Variants in KCND2 observed in about 807,000 individuals in gnomAD.
KCND2 encodes the protein potassium voltage-gated channel subfamily D member 2, also known as A-type voltage-gated potassium channel KCND2.
In KCND2, 16 loss-of-function variants were observed where a neutral mutation model predicts 54.4. That is an observed-to-expected ratio of 0.29 (90% CI 0.20 to 0.45). KCND2 has a LOEUF of 0.45. KCND2 is among the 20% of genes least tolerant of loss of function. KCND2 has a pLI of 1.00. For synonymous variants in KCND2, 317 were observed against 310.7 expected (o/e 1.02, Z -0.21); for missense variants, 486 against 824.2 (o/e 0.59, Z 5.02).
chr7:120,374,849 C>T (rs1800815495), intron 1 of KCND2, among the ~76,000 whole-genome samples: 1 of 151,806 alleles, frequency 6.6e-6, no homozygotes, highest in East Asian at 1.9e-4. Context: ...TTTTAGTAAT[C>T]TTTTAAGGTG....
intron 1 of KCND2, among the ~76,000 whole-genome samples, chr7:120,584,797 T>C (rs962686319): frequency 6.6e-6 from 1 of 152,174 alleles, no homozygotes; most frequent in Non-Finnish European, 1.5e-5. Flanking sequence ...GGGTGAAAGA[T>C]GCAATATTAG....
chr7:120,345,441 C>T (rs1380831314), intron 1 of KCND2, among the ~76,000 whole-genome samples: 1 of 152,064 alleles, frequency 6.6e-6, no homozygotes, highest in Non-Finnish European at 1.5e-5. Flanking sequence ...ACTACCTTAA[C>T]CAGTTTAAAG....
chr7:120,609,769 T>G (rs1326982329), intron 1 of KCND2, among the ~76,000 whole-genome samples: 2 of 152,162 alleles, frequency 1.3e-5, no homozygotes, highest in African/African-American at 4.8e-5. Flanking sequence ...CAGGGCCCCT[T>G]GTACAAAAAA....
At chr7:120,671,923 T>C (rs1442020307) in intron 1 of KCND2, among the ~76,000 whole-genome samples, 1 of 152,136 alleles carries the variant, frequency 6.6e-6, no homozygotes, top group Non-Finnish European at 1.5e-5. Context: ...CCTCAAAACA[T>C]GCTTGCTAAA....
chr7:120,674,986 T>C (rs942104469), intron 1 of KCND2, among the ~76,000 whole-genome samples: 1 of 151,622 alleles, frequency 6.6e-6, no homozygotes, highest in African/African-American at 2.4e-5. Context: ...TTCACTAAAA[T>C]TTCATCTTAT....
At chr7:120,311,834 C>A (rs926110762) in intron 1 of KCND2, among the ~76,000 whole-genome samples, 1 of 152,092 alleles carries the variant, frequency 6.6e-6, no homozygotes, top group Non-Finnish European at 1.5e-5. Flanking sequence ...GTTTTCTGTT[C>A]CTGTGTTAGT....
At chr7:120,358,286 G>A (rs183241850) in intron 1 of KCND2, among the ~76,000 whole-genome samples, 187 of 152,236 alleles carry the variant, frequency 1.2e-3, no homozygotes, top group Middle Eastern at 3.4e-3. Flanking sequence ...GATGCTCCTT[G>A]TGGTTAGAAT....
chr7:120,742,226 TA>T, intron 3 of KCND2: 1 of 395,054 alleles, frequency 2.5e-6, no homozygotes, highest in Non-Finnish European at 4.7e-6. Context: ...CATCAAAACA[TA>T]ACAGATTCCC....
At chr7:120,491,305 A>G (rs945059064) in intron 1 of KCND2, among the ~76,000 whole-genome samples, 11 of 152,130 alleles carry the variant, frequency 7.2e-5, no homozygotes, top group African/African-American at 1.2e-4. Context: ...TTTTGTGACT[A>G]GTAGTTATCG....
At chr7:120,650,504 T>C (rs1465873871) in intron 1 of KCND2, among the ~76,000 whole-genome samples, 1 of 143,200 alleles carries the variant, frequency 7.0e-6, no homozygotes, top group East Asian at 1.9e-4. Context: ...ATTATTCTAG[T>C]TAGCCATTCG....
chr7:120,285,234 G>C (rs577408289), intron 1 of KCND2, among the ~76,000 whole-genome samples: 5 of 152,072 alleles, frequency 3.3e-5, no homozygotes, highest in East Asian at 1.9e-4. Flanking sequence ...ATTGTCTTCA[G>C]TTATGTGTTT....
intron 1 of KCND2, among the ~76,000 whole-genome samples, chr7:120,626,233 T>G (rs573212048): frequency 6.6e-6 from 1 of 152,298 alleles, no homozygotes; most frequent in South Asian, 2.1e-4. Context: ...GAAGAGTAAG[T>G]TAATGTTCTA....
chr7:120,682,645 GA>G (rs1460897730), intron 1 of KCND2, among the ~76,000 whole-genome samples: 1 of 152,068 alleles, frequency 6.6e-6, no homozygotes, highest in African/African-American at 2.4e-5. Flanking sequence ...AGTGAAAGCT[GA>G]AAAAATACTT....
intron 1 of KCND2, among the ~76,000 whole-genome samples, chr7:120,371,749 C>A (rs768174320): frequency 2.0e-5 from 3 of 151,866 alleles, no homozygotes; most frequent in African/African-American, 4.8e-5. Flanking sequence ...ACTACAACTC[C>A]TACAGTATTC....
chr7:120,391,304 T>A (rs1186857522), intron 1 of KCND2, among the ~76,000 whole-genome samples: 1 of 152,184 alleles, frequency 6.6e-6, no homozygotes, highest in East Asian at 1.9e-4. Context: ...ACTTGCTTTA[T>A]CCAGTCTATC....
chr7:120,638,507 T>G (rs939418180), intron 1 of KCND2, among the ~76,000 whole-genome samples: 15 of 152,174 alleles, frequency 9.9e-5, no homozygotes, highest in African/African-American at 3.6e-4. Context: ...AATAACCAGA[T>G]ATTTGCTTTA....
intron 1 of KCND2, among the ~76,000 whole-genome samples, chr7:120,301,224 G>A (rs1273031710): frequency 6.6e-6 from 1 of 152,084 alleles, no homozygotes; most frequent in Non-Finnish European, 1.5e-5. Context: ...TCTGAGGTAG[G>A]TAATATTACT....
chr7:120,729,504 G>T (rs1484029395), intron 1 of KCND2, among the ~76,000 whole-genome samples: 2 of 152,176 alleles, frequency 1.3e-5, no homozygotes, highest in East Asian at 1.9e-4. Context: ...ATGAGAAATT[G>T]CAGGACAGCC....
chr7:120,510,905 A>T (rs1288361133), intron 1 of KCND2, among the ~76,000 whole-genome samples: 1 of 143,574 alleles, frequency 7.0e-6, no homozygotes, highest in African/African-American at 2.6e-5. Flanking sequence ...ATCCAAAGCC[A>T]ATCCAATACC....
Sources: gnomAD v4.1 joint callset for allele counts (sites outside exome capture counted in the v4.1 genomes callset) on GRCh38, gnomAD v4.1.1 for gene constraint, MANE v1.5 for transcripts, NCBI Gene and HGNC (gene_info 2026-07-23, HGNC 2026-07-21) for gene names.